The following CABLES1 variants were observed in gnomAD, a reference collection of about 807,000 sequenced individuals.
CABLES1 encodes Cdk5 and Abl enzyme substrate 1.
A neutral mutation model predicts 57.8 loss-of-function variants in CABLES1; 36 were observed. The observed-to-expected ratio is 0.62, with a 90% CI of 0.48 to 0.82. The LOEUF (loss-of-function observed/expected upper bound fraction) is 0.82, where lower values mean the gene tolerates loss of function less well. CABLES1 is among the 40% of genes least tolerant of loss of function. The pLI, the probability that CABLES1 is intolerant of heterozygous loss-of-function variation, is 0.00. For synonymous variants in CABLES1, 374 were observed against 363.0 expected (o/e 1.03, Z -0.35); for missense variants, 767 against 836.6 (o/e 0.92, Z 1.03).
intron 1 of CABLES1, among the ~76,000 whole-genome samples, chr18:23,153,554 T>C (rs1899527788): frequency 6.6e-6 from 1 of 151,214 alleles, no homozygotes. Context: ...ACCAACATGG[T>C]GAAACCCTGT....
chr18:23,137,488 C>A (rs2046830699), intron 1 of CABLES1, among the ~76,000 whole-genome samples: 1 of 152,122 alleles, frequency 6.6e-6, no homozygotes, highest in Non-Finnish European at 1.5e-5. Context: ...CTAGGGAGTG[C>A]CCTCCCTTGT....
At chr18:23,207,723 T>C (rs986948384) in intron 3 of CABLES1, among the ~76,000 whole-genome samples, 13 of 152,136 alleles carry the variant, frequency 8.5e-5, no homozygotes, top group Non-Finnish European at 1.5e-5. Context: ...AGGAAGATTA[T>C]GTAACTTGTT....
rs1387132889 is a variant in CABLES1 at position 23,169,362 on chromosome 18, C to T, written c.846-19476C>T. 2.6e-5 allele frequency among the ~76,000 whole-genome samples: 4 copies of T among 152,130 alleles called. No homozygotes were observed. In the South Asian group the frequency reaches 6.2e-4, roughly 24 times the overall value. On this transcript the variant is annotated intron_variant, in intron 1 of 9. Transcript: ENST00000256925. ...GAATCACCCCGAATTCTTTCTTGCA[C>T]GAGATCCAAGAACCCTCTGTTGGGG...
At chr18:23,216,509 C>CT (rs2047443181) in intron 4 of CABLES1, among the ~76,000 whole-genome samples, 2 of 152,128 alleles carry the variant, frequency 1.3e-5, no homozygotes, top group Non-Finnish European at 2.9e-5. Context: ...CAGAGAAGTG[C>CT]TAGGGCCCAC....
At chr18:23,194,111 C>T (rs923308492) in intron 2 of CABLES1, among the ~76,000 whole-genome samples, 1 of 152,150 alleles carries the variant, frequency 6.6e-6, no homozygotes, top group Non-Finnish European at 1.5e-5. Flanking sequence ...TTCGTTGATA[C>T]AGCAGGATTC....
intron 3 of CABLES1, among the ~76,000 whole-genome samples, chr18:23,200,463 C>T (rs936895817): frequency 2.5e-4 from 38 of 152,222 alleles, no homozygotes; most frequent in South Asian, 6.2e-4. Flanking sequence ...GGGGTTTCAC[C>T]ATGTTAGCCA....
In CABLES1 at chr18:23,136,436, T is replaced by A; in HGVS notation, c.674T>A (p.Leu225Ter). ...GTGCAGGTGCCGGCGGCCGCCTTTT[T>A]GGGCTCCGGGACCCCCGGGAGTGGG... The part of the protein sequence containing the change: ...ISVQVPAAAF[L>*]GSGTPGSGSG... Residue 225 changes from leucine (L) to a stop codon, truncating the protein, a stop_gained, in exon 1 of 10, where the codon TTG (leucine) becomes TAG (stop). Coordinates refer to ENST00000256925, the MANE Select transcript of CABLES1 (RefSeq NM_001100619.3). LOFTEE classifies it high-confidence loss of function. 1.2e-6 allele frequency: 2 copies of A among 1,602,560 alleles called. No homozygotes were observed.
At chr18:23,164,961 C>T (rs1271332539) in intron 1 of CABLES1, among the ~76,000 whole-genome samples, 1 of 152,104 alleles carries the variant, frequency 6.6e-6, no homozygotes, top group East Asian at 1.9e-4. Context: ...TTAGTAGAGA[C>T]AGGGTTTTAC....
chr18:23,165,826 TG>T lies in CABLES1; in HGVS notation c.846-23011del, dbSNP rs146882427. On this transcript the variant is annotated intron_variant, in intron 1 of 9. Coordinates refer to ENST00000256925, the MANE Select transcript of CABLES1 (RefSeq NM_001100619.3). Reference sequence around the variant, plus strand: ...CCGCTATGAGCATAGATGCACAGTGTGCTAAAACTCGTCCTCTCCTCCCCCA... The same window carrying T: ...CCGCTATGAGCATAGATGCACAGTGTCTAAAACTCGTCCTCTCCTCCCCCA... Among the ~76,000 whole-genome samples, 1,439 of 152,306 alleles carry T rather than the reference TG, an allele frequency of 9.4e-3. 24 individuals are homozygous for T. The highest frequency in any genetic ancestry group is 0.033 in the African/African-American group (1,359 of 41,560).
At chr18:23,138,763 GTGTTT>G (rs1278156650) in intron 1 of CABLES1, among the ~76,000 whole-genome samples, 1 of 152,212 alleles carries the variant, frequency 6.6e-6, no homozygotes, top group Non-Finnish European at 1.5e-5. Context: ...GCTAGCCTGT[GTGTTT>G]CCATGTACAT....
chr18:23,140,423 T>C (rs957502153), intron 1 of CABLES1, among the ~76,000 whole-genome samples: 6 of 146,946 alleles, frequency 4.1e-5, no homozygotes, highest in African/African-American at 1.6e-4. Flanking sequence ...TATTTTTCTT[T>C]CTTTCGTTTT....
chr18:23,204,933 A>C (rs1688347899), intron 3 of CABLES1, among the ~76,000 whole-genome samples: 1 of 152,240 alleles, frequency 6.6e-6, no homozygotes, highest in African/African-American at 2.4e-5. Context: ...GCTACAATTC[A>C]AGATGAGATT....
chr18:23,143,835 C>A (rs970205626), intron 1 of CABLES1, among the ~76,000 whole-genome samples: 3 of 152,180 alleles, frequency 2.0e-5, no homozygotes, highest in East Asian at 3.8e-4. Context: ...TCCCTCCCCC[C>A]CTGGGCTGTC....
intron 1 of CABLES1, among the ~76,000 whole-genome samples, chr18:23,137,450 G>T (rs2070616411): frequency 6.6e-6 from 1 of 152,186 alleles, no homozygotes; most frequent in Non-Finnish European, 1.5e-5. Context: ...GAGTAGGCGG[G>T]AACAGGTGGG....
chr18:23,232,023 A>C (rs1474305420), intron 4 of CABLES1, among the ~76,000 whole-genome samples: 1 of 152,176 alleles, frequency 6.6e-6, no homozygotes, highest in Non-Finnish European at 1.5e-5. Flanking sequence ...TACCGGCGAG[A>C]CAGCAAAGAG....
At chr18:23,164,764 CTT>C (rs2047029833) in intron 1 of CABLES1, among the ~76,000 whole-genome samples, 1 of 151,220 alleles carries the variant, frequency 6.6e-6, no homozygotes, top group South Asian at 2.1e-4. Context: ...AAATTTATCT[CTT>C]AACTATTCTT....
intron 3 of CABLES1, among the ~76,000 whole-genome samples, chr18:23,213,574 T>C (rs955571370): frequency 4.3e-4 from 66 of 152,242 alleles, no homozygotes; most frequent in Non-Finnish European, 1.2e-4. Flanking sequence ...TTTCTGGTGC[T>C]ATTGCTCTCA....
chr18:23,221,627 G>A (rs1004169212), intron 4 of CABLES1, among the ~76,000 whole-genome samples: 1 of 152,208 alleles, frequency 6.6e-6, no homozygotes, highest in African/African-American at 2.4e-5. Context: ...TGGAAGTGCT[G>A]TTGACGCTGC....
intron 4 of CABLES1, among the ~76,000 whole-genome samples, chr18:23,224,561 CT>C (rs777471596): frequency 0.035 from 3,136 of 89,698 alleles, 24 homozygotes; most frequent in Admixed American, 0.1. Context: ...AGTCACAGAG[CT>C]TTTTTTTTTT....
Sources: allele counts gnomAD v4.1 joint callset (sites outside exome capture counted in the v4.1 genomes callset), GRCh38; gene constraint gnomAD v4.1.1; transcripts MANE v1.5; gene names NCBI Gene and HGNC (gene_info 2026-07-23, HGNC 2026-07-21).